The following HUNK variants were observed in gnomAD, a reference collection of about 807,000 sequenced individuals.
The protein encoded by HUNK is hormonally up-regulated neu tumor-associated kinase.
A neutral mutation model predicts 61.0 loss-of-function variants in HUNK; 21 were observed. That is an observed-to-expected ratio of 0.34 (90% confidence interval 0.24 to 0.50). The LOEUF is 0.50. Ranked by LOEUF, HUNK falls within the 20% of genes least tolerant of loss-of-function variation. HUNK has a pLI of 0.98. For synonymous variants in HUNK, 371 were observed against 386.1 expected, an observed-to-expected ratio of 0.96 and a Z score of 0.46; for missense variants, 772 against 945.7, an observed-to-expected ratio of 0.82 and a Z score of 2.41.
intron 4 of HUNK, among the ~76,000 whole-genome samples, chr21:31,954,760 G>C (rs1046618063): frequency 2.0e-5 from 3 of 152,084 alleles, no homozygotes; most frequent in Non-Finnish European, 4.4e-5. Flanking sequence ...TGGCATCCAG[G>C]AATGTGCGTT....
intron 5 of HUNK, among the ~76,000 whole-genome samples, chr21:31,960,691 A>G (rs1021421728): frequency 6.6e-6 from 1 of 152,172 alleles, no homozygotes; most frequent in Non-Finnish European, 1.5e-5. Context: ...AATCCTATTT[A>G]TAAAACCATC....
chr21:31,939,560 C>T (rs1280269771), intron 2 of HUNK, among the ~76,000 whole-genome samples: 2 of 151,816 alleles, frequency 1.3e-5, no homozygotes, highest in African/African-American at 2.4e-5. Flanking sequence ...AGGCATGCGC[C>T]GCCATGCCCA....
chr21:31,913,479 T>C (rs2052559775), intron 1 of HUNK, among the ~76,000 whole-genome samples: 1 of 150,818 alleles, frequency 6.6e-6, no homozygotes, highest in South Asian at 2.1e-4. Context: ...ATGAATGAGG[T>C]GTGGGAATAG....
chr21:31,994,416 A>G (rs2053189945), intron 9 of HUNK, among the ~76,000 whole-genome samples: 1 of 152,384 alleles, frequency 6.6e-6, no homozygotes, highest in Non-Finnish European at 1.5e-5. Context: ...AAAGGGCTGC[A>G]AAAGTGTAGA....
intron 1 of HUNK, among the ~76,000 whole-genome samples, chr21:31,898,683 C>T (rs1275672100): frequency 6.6e-6 from 1 of 152,198 alleles, no homozygotes; most frequent in African/African-American, 2.4e-5. Flanking sequence ...AGAGGCCCTG[C>T]ATTGAGCTTT....
intron 1 of HUNK, among the ~76,000 whole-genome samples, chr21:31,919,452 C>T (rs547517779): frequency 3.0e-4 from 45 of 152,290 alleles, no homozygotes; most frequent in South Asian, 2.7e-3. Context: ...CACCCTTAAG[C>T]CTGGCATGTG....
intron 2 of HUNK, among the ~76,000 whole-genome samples, chr21:31,937,323 G>A (rs1284543735): frequency 2.6e-5 from 4 of 152,108 alleles, no homozygotes; most frequent in South Asian, 2.1e-4. Context: ...GAAATCACTC[G>A]AGGAACCCAG....
At chr21:31,925,889 A>C (rs1300027688) in intron 2 of HUNK, among the ~76,000 whole-genome samples, 1 of 152,106 alleles carries the variant, frequency 6.6e-6, no homozygotes, top group Non-Finnish European at 1.5e-5. Context: ...ATTATGATCA[A>C]TAATTACTCT....
chr21:31,892,292 G>C (rs144086554), intron 1 of HUNK, among the ~76,000 whole-genome samples: 1 of 150,168 alleles, frequency 6.7e-6, no homozygotes, highest in African/African-American at 2.5e-5. Flanking sequence ...GTGGCCAGAC[G>C]TGGTGGCTCA....
chr21:31,873,816 C>T lies in HUNK; in HGVS notation c.142C>T (p.Arg48Trp). 9 of 1,571,582 alleles carry T rather than the reference C, an allele frequency of 5.7e-6. No homozygotes were observed. The highest frequency in any genetic ancestry group is 1.2e-5 in the South Asian group (1 of 86,846). Residue 48 changes from arginine (R) to tryptophan (W), a missense_variant, in exon 1 of 11, where the codon CGG becomes TGG. Arg to Trp is a moderately radical substitution (Grantham distance 101, BLOSUM62 -3). Transcript: ENST00000270112. This position sits in a 1 kb window ranked among gnomAD's most constrained non-coding sequence, Gnocchi z 6.1. Reference sequence around the variant, plus strand: ...CTGGGTGAGCGGCGTGCCCCGCGAGCGGCTCCGCGACTTCCAGCACCACAA... The same window carrying T: ...CTGGGTGAGCGGCGTGCCCCGCGAGTGGCTCCGCGACTTCCAGCACCACAA... Reference protein sequence around the residue: ...PAWVSGVPRERLRDFQHHKRV... With the variant: ...PAWVSGVPREWLRDFQHHKRV...
chr21:31,897,643 C>T (rs547888638), intron 1 of HUNK, among the ~76,000 whole-genome samples: 85 of 152,164 alleles, frequency 5.6e-4, no homozygotes, highest in African/African-American at 9.9e-4. Context: ...GCATCTTTTG[C>T]GGGGACAGAA....
intron 1 of HUNK, among the ~76,000 whole-genome samples, chr21:31,916,834 G>A (rs754887384): frequency 7.2e-5 from 11 of 151,826 alleles, no homozygotes; most frequent in East Asian, 1.9e-4. Context: ...GCACCACCAC[G>A]CCCAGATAAT....
intron 1 of HUNK, among the ~76,000 whole-genome samples, chr21:31,890,217 C>T (rs2052376484): frequency 6.6e-6 from 1 of 150,584 alleles, no homozygotes; most frequent in Admixed American, 6.7e-5. Context: ...ATTATCCATT[C>T]TCTCTGTTTT....
chr21:31,998,643 C>A lies in HUNK; in HGVS notation c.1604C>A (p.Pro535Gln). 2 of 1,614,118 alleles carry A rather than the reference C, an allele frequency of 1.2e-6. No homozygotes were observed. Among genetic ancestry groups the A allele is most frequent in the African/African-American group, 1.3e-5 (1 of 75,018 alleles). The change falls in exon 11 of 11, where the codon CCG becomes CAG. Residue 535 changes from proline to glutamine, a missense_variant. By Grantham distance (76) the Pro-to-Gln change is moderately conservative. This residue lies in a region of HUNK where 413 missense variants were observed against 444.4 expected (regional missense o/e 0.93). Coordinates refer to ENST00000270112, the MANE Select transcript of HUNK (RefSeq NM_014586.2). Reference protein sequence around the residue: ...PPRTPRIVKKPEPHQPGPGST... With the variant: ...PPRTPRIVKKQEPHQPGPGST... ...AGGACCCCGAGGATTGTGAAGAAAC[C>A]GGAGCCCCATCAGCCAGGGCCCGGA...
intron 3 of HUNK, 52 bp from the exon 4 acceptor site, chr21:31,945,984 C>A: frequency 8.4e-6 from 13 of 1,547,896 alleles, no homozygotes; most frequent in Non-Finnish European, 1.1e-5. Context: ...CCTCCCTCTT[C>A]ATTTCCGCAG....
intron 1 of HUNK, among the ~76,000 whole-genome samples, chr21:31,909,503 C>T (rs2052531267): frequency 6.6e-6 from 1 of 152,176 alleles, no homozygotes; most frequent in Non-Finnish European, 1.5e-5. Flanking sequence ...CTGTTAGCAT[C>T]GCCAAGATCA....
intron 7 of HUNK, among the ~76,000 whole-genome samples, chr21:31,981,886 A>T (rs572053745): frequency 4.6e-4 from 70 of 151,884 alleles, no homozygotes; most frequent in African/African-American, 1.5e-3. Flanking sequence ...CAATTTCCCA[A>T]ATATTTTTAT....
At chr21:31,973,909 C>T (rs2053030590) in intron 6 of HUNK, among the ~76,000 whole-genome samples, 1 of 152,196 alleles carries the variant, frequency 6.6e-6, no homozygotes, top group South Asian at 2.1e-4. Flanking sequence ...TTTATCTTCA[C>T]AGTCCCCTTG....
intron 8 of HUNK, 71 bp from the exon 9 acceptor site, chr21:31,990,058 T>G: frequency 7.5e-7 from 1 of 1,338,740 alleles, no homozygotes; most frequent in Non-Finnish European, 1.1e-6. Flanking sequence ...TGCAGGGCCG[T>G]AGGGGAAGCA....
Sources: allele counts gnomAD v4.1 joint callset (sites outside exome capture counted in the v4.1 genomes callset), GRCh38; gene constraint gnomAD v4.1.1; regional missense constraint gnomAD v4.1.1; non-coding constraint Gnocchi (gnomAD v3.1); transcripts MANE v1.5; gene names NCBI Gene and HGNC (gene_info 2026-07-23, HGNC 2026-07-21).